Variants in LASP1 observed in about 807,000 individuals in gnomAD.
LASP1 encodes the protein LIM and SH3 protein 1.
LASP1 carries 10 observed loss-of-function variants against 38.6 expected under a neutral mutation model. The observed-to-expected ratio is 0.26, with a 90% confidence interval of 0.16 to 0.44. The LOEUF (loss-of-function observed/expected upper bound fraction) is 0.44, where lower values mean the gene tolerates loss of function less well. Ranked by LOEUF, LASP1 falls within the 20% of genes least tolerant of loss-of-function variation. LASP1 has a pLI of 1.00. For synonymous variants in LASP1, 132 were observed against 140.8 expected (o/e 0.94, Z 0.44); for missense variants, 243 against 375.7 (o/e 0.65, Z 2.92).
Position 38,878,069 on chromosome 17 carries a change from C to T in LASP1, c.70-17C>T, listed in dbSNP as rs372983359. Reference sequence around the variant, plus strand: ...AGTCCTGGTATCTGATGTATGTCCTCCTGTCTCCATCCCCAGTTCTGGCAT... The same window carrying T: ...AGTCCTGGTATCTGATGTATGTCCTTCTGTCTCCATCCCCAGTTCTGGCAT... On this transcript the variant is annotated splice_polypyrimidine_tract_variant and intron_variant, in intron 1 of 6. Transcript: ENST00000318008. 5 of 1,596,012 alleles carry T rather than the reference C, an allele frequency of 3.1e-6. No homozygotes were observed. The highest frequency in any genetic ancestry group is 1.1e-5 in the South Asian group (1 of 90,714).
intron 2 of LASP1, among the ~76,000 whole-genome samples, chr17:38,889,417 A>G (rs1186147107): frequency 6.6e-6 from 1 of 152,190 alleles, no homozygotes; most frequent in African/African-American, 2.4e-5. Flanking sequence ...GGCATGAGCC[A>G]CTGCGCCCGG....
chr17:38,887,013 C>T (rs1307954915), intron 2 of LASP1, among the ~76,000 whole-genome samples: 2 of 152,180 alleles, frequency 1.3e-5, no homozygotes, highest in Non-Finnish European at 2.9e-5. Flanking sequence ...GGATTACAGG[C>T]GTGAGCCACT....
chr17:38,888,207 C>T (rs893527395), intron 2 of LASP1, among the ~76,000 whole-genome samples: 1 of 152,080 alleles, frequency 6.6e-6, no homozygotes, highest in Non-Finnish European at 1.5e-5. Flanking sequence ...AGCTGGTTTG[C>T]TAGGGGACCT....
intron 2 of LASP1, among the ~76,000 whole-genome samples, chr17:38,887,181 TGC>T (rs1914164640): frequency 1.3e-5 from 2 of 152,182 alleles, no homozygotes; most frequent in African/African-American, 4.8e-5. Flanking sequence ...AGTCTTCGAG[TGC>T]TGGGCCAGAG....
At chr17:38,905,360 C>CAACTAAA (rs1374065707) in intron 4 of LASP1, among the ~76,000 whole-genome samples, 2 of 151,850 alleles carry the variant, frequency 1.3e-5, no homozygotes, top group East Asian at 3.9e-4. Context: ...AACCCCGTCT[C>CAACTAAA]AACTAAAAAT....
intron 4 of LASP1, 52 bp downstream of exon 4, chr17:38,898,571 C>T (rs767559321): frequency 2.2e-6 from 3 of 1,355,932 alleles, no homozygotes; most frequent in African/African-American, 2.9e-5. Flanking sequence ...GTTTGGTCCC[C>T]TTCCTGCCAG....
intron 2 of LASP1, among the ~76,000 whole-genome samples, chr17:38,878,786 CA>C (rs1567695397): frequency 6.6e-6 from 1 of 152,114 alleles, no homozygotes; most frequent in Non-Finnish European, 1.5e-5. Flanking sequence ...TTGCCTGGGC[CA>C]GATAGATCTC....
At position 38,870,160 on chromosome 17, in the gene LASP1, G is replaced by T; in HGVS notation, c.-30G>T. ...GGGGAACAGGACGCGCGTGAGCTCA[G>T]GCGTCCCCGCCCCAGCTTTTCTCGG... On this transcript the variant is annotated 5_prime_UTR_variant, in exon 1 of 7. In the 5' UTR this introduces an upstream ATG that the reference lacks. Coordinates refer to ENST00000318008, the MANE Select transcript of LASP1 (RefSeq NM_006148.4). The T allele has an allele frequency of 1.2e-6, 2 of 1,612,238 alleles. No individual in the cohort carries two copies. The highest frequency in any genetic ancestry group is 1.7e-6 in the Non-Finnish European group (2 of 1,179,578).
intron 2 of LASP1, among the ~76,000 whole-genome samples, chr17:38,889,585 A>G (rs1339683736): frequency 6.6e-6 from 1 of 152,230 alleles, no homozygotes; most frequent in African/African-American, 2.4e-5. Context: ...AAAAGCAGTC[A>G]ATAATTTTGT....
At chr17:38,892,591 C>CACACACA (rs1914366640) in intron 3 of LASP1, among the ~76,000 whole-genome samples, 1 of 150,890 alleles carries the variant, frequency 6.6e-6, no homozygotes, top group African/African-American at 2.4e-5. Context: ...CACACACACA[C>CACACACA]CCTTCTCAGG....
chr17:38,901,256 C>T (rs993626534), intron 4 of LASP1, among the ~76,000 whole-genome samples: 1 of 152,216 alleles, frequency 6.6e-6, no homozygotes. Context: ...TTCCCTCCCC[C>T]AGTTAGAGGT....
rs369274617 is a variant in LASP1 at position 38,914,525 on chromosome 17, G to A, written c.508+50G>A. On this transcript the variant is annotated intron_variant, in intron 5 of 6. Transcript: ENST00000318008. ...GATGACCTGAGGCGAGGCCAGTGGGGTGGGGAGGAAGCCAGGAGAAGACAG... is the reference window on the plus strand; with the variant it reads ...GATGACCTGAGGCGAGGCCAGTGGGATGGGGAGGAAGCCAGGAGAAGACAG... 2.4e-5 allele frequency: 37 copies of A among 1,542,834 alleles called. No individual in the cohort carries two copies. In the African/African-American group the frequency reaches 4.9e-4, roughly 21 times the overall value.
chr17:38,891,068 C>A (rs558352088), intron 3 of LASP1, among the ~76,000 whole-genome samples: 46 of 152,216 alleles, frequency 3.0e-4, no homozygotes, highest in African/African-American at 1.1e-3. Context: ...GGTTCCAGGC[C>A]TAGGGAGAAC....
intron 4 of LASP1, among the ~76,000 whole-genome samples, chr17:38,911,879 T>G (rs1008223684): frequency 2.0e-5 from 3 of 152,180 alleles, no homozygotes; most frequent in Admixed American, 6.5e-5. Flanking sequence ...CCGCAACCTC[T>G]GCCTCCCAGG....
rs979457209 is a variant in LASP1 at position 38,919,392 on chromosome 17, C to T, written c.*614C>T. On this transcript the variant is annotated 3_prime_UTR_variant, in exon 7 of 7. Coordinates refer to ENST00000318008, the MANE Select transcript of LASP1 (RefSeq NM_006148.4). The stretch of plus-strand genomic sequence containing the variant: ...GTGGGGCGAATTCATCCCCTCCCCG[C>T]GCGTTCCTTCGCACACTGTGATTTT... The T allele has an allele frequency of 7.1e-5, 17 of 240,652 alleles. No homozygotes were observed. Among genetic ancestry groups the T allele is most frequent in the African/African-American group, 3.1e-4 (14 of 45,420 alleles). The allele number at this position is 240,652 out of a possible 1,614,324, so 14.9% of individuals were successfully genotyped here.
chr17:38,909,211 C>T (rs919232969), intron 4 of LASP1, among the ~76,000 whole-genome samples: 3 of 152,212 alleles, frequency 2.0e-5, no homozygotes, highest in Non-Finnish European at 4.4e-5. Flanking sequence ...TCACTCTCTT[C>T]ACTCTATGTC....
In LASP1 at chr17:38,898,586, G is replaced by C. The variant is rs1914554390; in HGVS notation, c.357+67G>C. On this transcript the variant is annotated intron_variant, in intron 4 of 6. Coordinates refer to ENST00000318008, the MANE Select transcript of LASP1 (RefSeq NM_006148.4). ...GTTTGGTCCCCTTCCTGCCAGCCTG[G>C]CAGACGCAAGCCTGGCAGATGTGAA... The C allele has an allele frequency of 3.4e-6, 4 of 1,192,782 alleles. No individual in the cohort carries two copies. In the Admixed American group the frequency reaches 7.9e-5, roughly 24 times the overall value. 73.9% of individuals were successfully genotyped at this position (1,192,782 alleles called of 1,614,324 possible).
At chr17:38,914,836 G>GAC in intron 5 of LASP1, 1 of 603,392 alleles carries the variant, frequency 1.7e-6, no homozygotes, top group Admixed American at 3.0e-5. Flanking sequence ...ATTGAAAGGA[G>GAC]AGGCCCCCAG....
At position 38,870,241 on chromosome 17, in the gene LASP1, G is replaced by T; in HGVS notation, c.52G>T (p.Val18Leu). ...CGKIVYPTEKVNCLDKFWHKA... is the reference protein window; with the variant it reads ...CGKIVYPTEKLNCLDKFWHKA... ...CAAGATCGTGTATCCCACGGAGAAG[G>T]TGAACTGTCTGGATAAGGTGAGCCC... The change falls in exon 1 of 7, where the codon GTG (valine) becomes TTG (leucine). Residue 18 changes from valine to leucine, a missense_variant. Val to Leu is a conservative substitution (Grantham distance 32, BLOSUM62 1). Coordinates refer to ENST00000318008, the MANE Select transcript of LASP1 (RefSeq NM_006148.4). The T allele has an allele frequency of 1.9e-6, 3 of 1,613,806 alleles. No individual in the cohort carries two copies. Among genetic ancestry groups the T allele is most frequent in the Non-Finnish European group, 2.5e-6 (3 of 1,179,784 alleles).
Sources: allele counts gnomAD v4.1 joint callset (sites outside exome capture counted in the v4.1 genomes callset), GRCh38; gene constraint gnomAD v4.1.1; transcripts MANE v1.5; gene names NCBI Gene and HGNC (gene_info 2026-07-23, HGNC 2026-07-21).